The following CNBD2 variants were observed in gnomAD, a reference collection of about 807,000 sequenced individuals.
CNBD2 encodes cyclic nucleotide-binding domain-containing protein 2.
In CNBD2, 64 loss-of-function variants were observed where a neutral mutation model predicts 63.7. The ratio of observed to expected loss-of-function variants is 1.00; its 90% confidence interval spans 0.82 to 1.24. The LOEUF (loss-of-function observed/expected upper bound fraction) is 1.24. Among genes scored for constraint, CNBD2 ranks in the 50% most tolerant of loss-of-function variants. The pLI, the probability that CNBD2 is intolerant of heterozygous loss-of-function variation, is 0.00. For synonymous variants in CNBD2, 229 were observed against 255.4 expected, an observed-to-expected ratio of 0.90 and a Z score of 0.99; for missense variants, 691 against 713.5, an observed-to-expected ratio of 0.97 and a Z score of 0.36.
At chr20:36,023,797 C>T in intron 11 of CNBD2, 26 bp downstream of exon 11, 1 of 1,545,086 alleles carries the variant, frequency 6.5e-7, no homozygotes, top group Non-Finnish European at 8.7e-7. Context: ...GTGCGTAAGT[C>T]CCATCAGGTG....
At chr20:35,993,867 CT>C (rs58873487) in intron 7 of CNBD2, among the ~76,000 whole-genome samples, 17,679 of 87,082 alleles carry the variant, frequency 0.2, 698 homozygotes, top group South Asian at 0.33. Flanking sequence ...TTCAGCTAAT[CT>C]TTTTTTTTTT....
Position 36,030,472 on chromosome 20 carries a change from C to A in CNBD2, c.1555C>A (p.Pro519Thr), listed in dbSNP as rs1377487057. 1.2e-6 allele frequency: 2 copies of A among 1,613,400 alleles called. No homozygotes were observed. Among genetic ancestry groups the A allele is most frequent in the South Asian group, 2.2e-5 (2 of 91,026 alleles). ...CQSQLFTPNR[P>T]KKREIYNPKS... is the part of the protein sequence containing the mutation. ...AAGTCAACTGTTCACTCCAAACCGG[C>A]CCAAGAAGAGAGAGATCTACAACCC... is the stretch of plus-strand genomic sequence containing the variant. The change falls in exon 12 of 12, where the codon CCC becomes ACC. Residue 519 changes from proline to threonine, a missense_variant. Transcript: ENST00000373973.
chr20:36,005,410 C>T (rs1171263217), intron 8 of CNBD2, among the ~76,000 whole-genome samples: 2 of 152,120 alleles, frequency 1.3e-5, no homozygotes, highest in South Asian at 4.1e-4. Context: ...TGATAATGCT[C>T]ATGCACCTGC....
Position 35,963,170 on chromosome 20 carries a change from C to A in CNBD2, c.228+5396C>A, listed in dbSNP as rs909777683. On this transcript the variant is annotated intron_variant, in intron 2 of 4. Transcript: ENST00000622112. ...ACCAGCCTGGGCAACGTAGTGAGAC[C>A]AGATCTCTACAAATTAAAAAATTAG... Among the ~76,000 whole-genome samples, 4 of 151,494 alleles carry A rather than the reference C, an allele frequency of 2.6e-5. No individual in the cohort carries two copies. In the East Asian group the frequency reaches 5.8e-4, roughly 22 times the overall value.
At chr20:35,955,379 T>C (rs1452348897), downstream of CNBD2, 1 of 152,252 alleles carries the variant, frequency 6.6e-6, no homozygotes, top group African/African-American at 2.4e-5. Flanking sequence ...CCTGTGTTTT[T>C]ACTTTTTAAA....
At chr20:35,972,837 C>A in intron 2 of CNBD2, 71 bp downstream of exon 2, 2 of 1,481,406 alleles carry the variant, frequency 1.4e-6, no homozygotes, top group Non-Finnish European at 1.9e-6. Flanking sequence ...ACTTCCTGGC[C>A]TAAGCTCAGA....
chr20:35,962,578 G>A (rs1430494869), intron 2 of CNBD2, among the ~76,000 whole-genome samples: 1 of 152,044 alleles, frequency 6.6e-6, no homozygotes. Flanking sequence ...TCTTACTAAG[G>A]TCCCCAGGAC....
intron 9 of CNBD2, among the ~76,000 whole-genome samples, chr20:36,009,248 C>A (rs991955341): frequency 6.6e-6 from 1 of 150,766 alleles, no homozygotes; most frequent in Non-Finnish European, 1.5e-5. Context: ...GTTGCCCAGG[C>A]TGGAGTGCAG....
chr20:35,968,198 A>G (rs76938098), upstream of CNBD2, among the ~76,000 whole-genome samples: 110 of 152,294 alleles, frequency 7.2e-4, 6 homozygotes, highest in East Asian at 0.021. Flanking sequence ...GGGCAGGTTA[A>G]TGCAAATTAA....
intron 3 of CNBD2, among the ~76,000 whole-genome samples, chr20:35,976,997 G>A (rs2056529814): frequency 1.3e-5 from 2 of 152,040 alleles, no homozygotes; most frequent in Admixed American, 6.6e-5. Flanking sequence ...GTGCCCCCTC[G>A]TGTATGAAGC....
chr20:35,987,278 C>A, intron 6 of CNBD2, 117 bp from the exon 7 acceptor site: 1 of 1,156,568 alleles, frequency 8.6e-7, no homozygotes, highest in Non-Finnish European at 1.2e-6. Context: ...CAGGTAGCAG[C>A]GAAATCTTCC....
intron 10 of CNBD2, among the ~76,000 whole-genome samples, chr20:36,014,481 C>T (rs1162963678): frequency 2.0e-5 from 3 of 151,592 alleles, no homozygotes; most frequent in Admixed American, 6.6e-5. Flanking sequence ...AGGCACACGC[C>T]GCCATGCCTG....
chr20:35,959,029 A>G (rs535921136), downstream of CNBD2: 1 of 152,246 alleles, frequency 6.6e-6, no homozygotes, highest in East Asian at 1.9e-4. Flanking sequence ...CCATTGAAGG[A>G]CATTTGGGTT....
intron 4 of CNBD2, among the ~76,000 whole-genome samples, chr20:35,982,134 A>C (rs1439125755): frequency 3.9e-5 from 6 of 152,186 alleles, no homozygotes; most frequent in African/African-American, 1.4e-4. Context: ...CCAGCGAGTC[A>C]GGAAGGAGCA....
At chr20:35,993,233 G>A (rs2056773498) in intron 7 of CNBD2, among the ~76,000 whole-genome samples, 1 of 151,968 alleles carries the variant, frequency 6.6e-6, no homozygotes, top group African/African-American at 2.4e-5. Context: ...ATACACCTGA[G>A]TGATCATTAC....
chr20:36,026,729 T>G (rs1343949100), intron 11 of CNBD2, among the ~76,000 whole-genome samples: 1 of 152,218 alleles, frequency 6.6e-6, no homozygotes, highest in Admixed American at 6.5e-5. Context: ...CTGCTCATTC[T>G]CTAAGATTCA....
chr20:36,007,670 G>A (rs2057003361), intron 8 of CNBD2, among the ~76,000 whole-genome samples: 1 of 152,078 alleles, frequency 6.6e-6, no homozygotes, highest in Admixed American at 6.6e-5. Context: ...CTACAGGTGT[G>A]CACCAGCATG....
At position 35,960,480 on chromosome 20, in the gene CNBD2, C is replaced by G. The variant is rs544552453; in HGVS notation, c.228+2706C>G. On this transcript the variant is annotated intron_variant, in intron 2 of 4. Transcript: ENST00000622112. The stretch of plus-strand genomic sequence containing the variant: ...TCAGCTTTGTGAGTAGCTGGGACCA[C>G]AGGCGCGTACCGCCATGCCCCACTA... Among the ~76,000 whole-genome samples, 233 of 152,348 alleles carry G rather than the reference C, an allele frequency of 1.5e-3. 1 individual carries two copies. The highest frequency in any genetic ancestry group is 5.5e-3 in the African/African-American group (227 of 41,568).
chr20:35,980,859 TCA>T (rs2056589575), intron 4 of CNBD2, among the ~76,000 whole-genome samples: 3 of 152,292 alleles, frequency 2.0e-5, no homozygotes, highest in Admixed American at 6.5e-5. Flanking sequence ...AGTAGAAACC[TCA>T]GAGAGGATCT....
Sources: gnomAD v4.1 joint callset for allele counts (sites outside exome capture counted in the v4.1 genomes callset) on GRCh38, gnomAD v4.1.1 for gene constraint, MANE v1.5 for transcripts, NCBI Gene and HGNC (gene_info 2026-07-23, HGNC 2026-07-21) for gene names.